ADGRL2: variants seen among roughly 807,000 people sequenced by gnomAD.
ADGRL2 encodes the protein calcium-independent alpha-latrotoxin receptor 2.
ADGRL2 carries 44 observed loss-of-function variants against 157.4 expected under a neutral mutation model. The ratio of observed to expected loss-of-function variants is 0.28; its 90% CI spans 0.22 to 0.36. The LOEUF (loss-of-function observed/expected upper bound fraction) is 0.36. ADGRL2 is among the 10% of genes least tolerant of loss of function. The pLI is 1.00. For synonymous variants in ADGRL2, 585 were observed against 624.7 expected (o/e 0.94, Z 0.95); for missense variants, 1,510 against 1,768.9 (o/e 0.85, Z 2.63).
chr1:81,600,166 TACTTAAG>T (rs1471304029), intron 3 of ADGRL2, among the ~76,000 whole-genome samples: 1 of 152,224 alleles, frequency 6.6e-6, no homozygotes, highest in Non-Finnish European at 1.5e-5. Context: ...TCAGTGTTTG[TACTTAAG>T]ATGTCCAGCC....
At chr1:81,756,914 T>A (rs2085711910) in intron 1 of ADGRL2, among the ~76,000 whole-genome samples, 1 of 152,154 alleles carries the variant, frequency 6.6e-6, no homozygotes, top group Non-Finnish European at 1.5e-5. Flanking sequence ...ATTTCAGAAA[T>A]GCAGCCACCC....
chr1:81,835,532 T>A (rs1465007076), intron 1 of ADGRL2, among the ~76,000 whole-genome samples: 4 of 152,138 alleles, frequency 2.6e-5, no homozygotes, highest in Non-Finnish European at 5.9e-5. Flanking sequence ...GTGAAAAATG[T>A]ACAGAGCCAG....
intron 2 of ADGRL2, among the ~76,000 whole-genome samples, chr1:81,491,052 A>G (rs754128036): frequency 3.3e-5 from 5 of 152,214 alleles, no homozygotes; most frequent in Non-Finnish European, 7.3e-5. Context: ...TAGTTGTGAT[A>G]AAATGTTTCC....
chr1:81,896,114 A>C (rs1466430191), intron 2 of ADGRL2, among the ~76,000 whole-genome samples: 1 of 152,204 alleles, frequency 6.6e-6, no homozygotes, highest in Non-Finnish European at 1.5e-5. Flanking sequence ...TAGAGTTGGA[A>C]ATAAATTATA....
At chr1:81,766,875 C>A (rs1009898418) in intron 2 of ADGRL2, among the ~76,000 whole-genome samples, 1 of 148,706 alleles carries the variant, frequency 6.7e-6, no homozygotes, top group Non-Finnish European at 1.5e-5. Context: ...AAAAGAAATG[C>A]AGATCGTGAA....
intron 2 of ADGRL2, among the ~76,000 whole-genome samples, chr1:81,552,232 G>A (rs1257182726): frequency 6.6e-6 from 1 of 152,044 alleles, no homozygotes; most frequent in Non-Finnish European, 1.5e-5. Context: ...TTCCTGCCAA[G>A]TTACTTTTTT....
intron 3 of ADGRL2, among the ~76,000 whole-genome samples, chr1:81,613,882 T>C (rs977337328): frequency 2.0e-5 from 3 of 152,208 alleles, no homozygotes; most frequent in Admixed American, 1.3e-4. Flanking sequence ...CGCATTTTTT[T>C]CCTGATGGAA....
At chr1:81,751,569 C>G (rs1324125982) in intron 1 of ADGRL2, among the ~76,000 whole-genome samples, 1 of 152,080 alleles carries the variant, frequency 6.6e-6, no homozygotes, top group East Asian at 1.9e-4. Context: ...GATCGAAAGA[C>G]TGAAAATGCA....
intron 1 of ADGRL2, among the ~76,000 whole-genome samples, chr1:81,353,984 C>T (rs1388234926): frequency 6.6e-6 from 1 of 152,088 alleles, no homozygotes; most frequent in South Asian, 2.1e-4. Context: ...ACTAGAATGA[C>T]ATGTCTGCAG....
At chr1:81,976,085 C>A (rs980686428) in intron 17 of ADGRL2, among the ~76,000 whole-genome samples, 8 of 151,774 alleles carry the variant, frequency 5.3e-5, no homozygotes, top group African/African-American at 1.7e-4. Context: ...CTATTTAATT[C>A]CAGAAGATAT....
rs1661519497 is a variant in ADGRL2 at position 81,981,037 on chromosome 1, T to G, written c.3114-771T>G. 3 of 420,026 alleles carry G rather than the reference T, an allele frequency of 7.1e-6. No individual in the cohort carries two copies. In the South Asian group the frequency reaches 1.3e-4, roughly 19 times the overall value. 26.0% of individuals were successfully genotyped at this position (420,026 alleles called of 1,614,324 possible). A position where few individuals can be genotyped will look rare whatever the true frequency, so the allele number is the denominator to read the frequency against. ...GACTTTCTTAATTTTGACTAATTTATAAAATATATAAATGCTTTCTTATTA... is the reference window on the plus strand; with the variant it reads ...GACTTTCTTAATTTTGACTAATTTAGAAAATATATAAATGCTTTCTTATTA... On this transcript the variant is annotated intron_variant, in intron 18 of 23. Transcript: ENST00000686636.
chr1:81,503,605 G>C (rs959612570), intron 2 of ADGRL2: 69 of 943,596 alleles, frequency 7.3e-5, no homozygotes, highest in Non-Finnish European at 1.0e-4. Context: ...GGACGTGTCC[G>C]TCTGTCCAGG....
intron 2 of ADGRL2, among the ~76,000 whole-genome samples, chr1:81,510,024 A>G (rs939224400): frequency 6.6e-6 from 1 of 152,208 alleles, no homozygotes; most frequent in Non-Finnish European, 1.5e-5. Context: ...TGTTTAGTTT[A>G]TGCTCATCCA....
chr1:81,513,442 T>C (rs2079115332), intron 2 of ADGRL2, among the ~76,000 whole-genome samples: 1 of 152,128 alleles, frequency 6.6e-6, no homozygotes. Context: ...GGAGAGAAAG[T>C]AATATTCACT....
intron 2 of ADGRL2, chr1:81,557,199 GC>G (rs1557458209): frequency 5.5e-6 from 1 of 180,482 alleles, no homozygotes. Context: ...ACCGATGCTG[GC>G]CGGCTTTTCA....
chr1:81,911,545 C>T (rs2094721743), intron 3 of ADGRL2, among the ~76,000 whole-genome samples: 1 of 152,192 alleles, frequency 6.6e-6, no homozygotes, highest in Non-Finnish European at 1.5e-5. Context: ...TGTTTTTTCA[C>T]TCTAAAAACC....
rs550401895 is a variant in ADGRL2, at chr1:81,857,797, T to A, written c.73+20740T>A. On this transcript the variant is annotated intron_variant, in intron 2 of 23. Transcript: ENST00000686636. ...ATTATTGGATACATGAAGACATTTT[T>A]AAAAATCCATTTTTTGGCATTTTTG... Among the ~76,000 whole-genome samples the A allele has an allele frequency of 2.6e-5, 4 of 152,324 alleles. No individual in the cohort carries two copies. The South Asian group carries it at 6.2e-4, about 24-fold the overall frequency.
At chr1:81,610,979 A>G (rs913549687) in intron 3 of ADGRL2, among the ~76,000 whole-genome samples, 4 of 152,222 alleles carry the variant, frequency 2.6e-5, no homozygotes, top group Non-Finnish European at 5.9e-5. Flanking sequence ...CAACATGTAT[A>G]TTAGGAACTA....
rs573715216 is a variant in ADGRL2 at position 81,323,990 on chromosome 1, T to C, written c.-302+17481T>C. 3.3e-5 allele frequency among the ~76,000 whole-genome samples: 5 copies of C among 152,258 alleles called. No individual in the cohort carries two copies. The East Asian group carries it at 9.7e-4, about 29-fold the overall frequency. On this transcript the variant is annotated intron_variant, in intron 1 of 24. Coordinates refer to the ADGRL2 transcript ENST00000370721. ...AGCTACGTTCAGGCTAGGCTACTAT[T>C]GAAAGTGCCAGGAGAAGCTCCCGAA...
Sources: allele counts gnomAD v4.1 joint callset (sites outside exome capture counted in the v4.1 genomes callset), GRCh38; gene constraint gnomAD v4.1.1; transcripts MANE v1.5; gene names NCBI Gene and HGNC (gene_info 2026-07-23, HGNC 2026-07-21).